Variants in RBM4 observed in about 807,000 individuals in gnomAD.
RBM4 encodes the protein RNA-binding protein 4.
RBM4 carries 7 observed loss-of-function variants against 29.5 expected under a neutral mutation model. That is an observed-to-expected ratio of 0.24 (90% CI 0.14 to 0.45). RBM4 has a LOEUF of 0.45. RBM4 is among the 20% of genes least tolerant of loss of function. The pLI, the probability that RBM4 is intolerant of heterozygous loss-of-function variation, is 1.00. For missense variants in RBM4, 387 were observed against 502.3 expected, an observed-to-expected ratio of 0.77 and a Z score of 2.19; for synonymous variants, 220 against 205.4, an observed-to-expected ratio of 1.07 and a Z score of -0.61.
chr11:66,656,392 G>A (rs1416711174), intron 2 of RBM4, among the ~76,000 whole-genome samples: 1 of 151,834 alleles, frequency 6.6e-6, no homozygotes, highest in African/African-American at 2.4e-5. Context: ...CACCCGCCTC[G>A]GCCTCCCAAA....
At chr11:66,645,959 T>C (rs1938674695) in intron 3 of RBM4, 68 bp from the exon 4 acceptor site, 1 of 1,535,572 alleles carries the variant, frequency 6.5e-7, no homozygotes, top group South Asian at 1.2e-5. Flanking sequence ...TGTAAAGATG[T>C]TGAAGTTTTA....
At chr11:66,647,838 G>T (rs887443324), downstream of RBM4, among the ~76,000 whole-genome samples, 3 of 152,168 alleles carry the variant, frequency 2.0e-5, no homozygotes, top group Non-Finnish European at 4.4e-5. Flanking sequence ...GATGGGGATG[G>T]TCAGTGAAGG....
At chr11:66,654,709 G>C (rs1445365438) in intron 2 of RBM4, among the ~76,000 whole-genome samples, 1 of 140,362 alleles carries the variant, frequency 7.1e-6, no homozygotes, top group Non-Finnish European at 1.5e-5. Flanking sequence ...TTAGAGGCAA[G>C]GTTTTCCCAT....
chr11:66,651,170 G>A (rs1938821902), downstream of RBM4, among the ~76,000 whole-genome samples: 1 of 152,114 alleles, frequency 6.6e-6, no homozygotes, highest in African/African-American at 2.4e-5. Context: ...ATTGGCACTA[G>A]TATTAAGTGC....
Position 66,639,912 on chromosome 11 carries a change from G to A in RBM4, c.201G>A (p.Val67=), listed in dbSNP as rs1442383584. 1.2e-6 allele frequency: 2 copies of A among 1,614,204 alleles called. No homozygotes were observed. The highest frequency in any genetic ancestry group is 2.2e-5 in the South Asian group (2 of 91,084). The change falls in exon 2 of 4, where the codon GTG becomes GTA. Residue 67 remains valine (V), a synonymous_variant. Transcript: ENST00000310092. Reference sequence around the variant, plus strand: ...AGCTTCATGGGGTGAACATCAACGTGGAAGCCAGCAAGAATAAGAGCAAAA... The same window carrying A: ...AGCTTCATGGGGTGAACATCAACGTAGAAGCCAGCAAGAATAAGAGCAAAA... ...HYKLHGVNIN[V]EASKNKSKTS...
At position 66,651,607 on chromosome 11, in the gene RBM4, C is replaced by G. The variant is rs558997396; in HGVS notation, c.412+11484C>G. On this transcript the variant is annotated intron_variant, in intron 2 of 2. Transcript: ENST00000396053. Reference sequence around the variant, plus strand: ...TCTTGATCCGCCTGCCTCGGCCTCCCAAAGTGCTGGGATTACAGGCGTGAG... The same window carrying G: ...TCTTGATCCGCCTGCCTCGGCCTCCGAAAGTGCTGGGATTACAGGCGTGAG... 3.3e-5 allele frequency among the ~76,000 whole-genome samples: 5 copies of G among 152,264 alleles called. No homozygotes were observed. In the East Asian group the frequency reaches 7.7e-4, roughly 23 times the overall value.
intron 1 of RBM4, 31 bp from the exon 2 acceptor site, chr11:66,639,668 CT>C (rs1281510675): frequency 2.5e-6 from 4 of 1,601,878 alleles, no homozygotes; most frequent in African/African-American, 1.3e-5. Flanking sequence ...GGCCTGAGGT[CT>C]TTTGTCAGAT....
At chr11:66,658,031 T>A (rs984693340) in intron 2 of RBM4, among the ~76,000 whole-genome samples, 33 of 145,850 alleles carry the variant, frequency 2.3e-4, no homozygotes, top group South Asian at 4.3e-4. Flanking sequence ...TTTTTTAAAA[T>A]TTTTTTTTTT....
chr11:66,658,362 T>TTTTTTTTTTTTTTTA (rs71045957), intron 2 of RBM4, among the ~76,000 whole-genome samples: 1 of 133,338 alleles, frequency 7.5e-6, no homozygotes. Flanking sequence ...TTTTTTTTTT[T>TTTTTTTTTTTTTTTA]CGTTTTGTTT....
chr11:66,655,299 T>C (rs896357046), intron 2 of RBM4, among the ~76,000 whole-genome samples: 6 of 150,488 alleles, frequency 4.0e-5, no homozygotes, highest in Admixed American at 4.0e-4. Flanking sequence ...CTTTTCTTTT[T>C]TTTTTTTTGA....
intron 2 of RBM4, among the ~76,000 whole-genome samples, chr11:66,657,717 A>G (rs772541910): frequency 1.4e-4 from 21 of 146,350 alleles, no homozygotes; most frequent in Non-Finnish European, 2.8e-4. Context: ...AATTATAGGC[A>G]TGAGCCACCT....
At chr11:66,644,424 C>G (rs1938599638) in intron 3 of RBM4, 1 of 388,688 alleles carries the variant, frequency 2.6e-6, no homozygotes. Context: ...CTTGGGTCAC[C>G]TATGTACTAT....
exon 3 of RBM4, chr11:66,666,213 T>C: frequency 1.2e-6 from 1 of 868,188 alleles, no homozygotes; most frequent in Non-Finnish European, 1.5e-6. Flanking sequence ...CTCTAATCCT[T>C]CTATTGATGA....
chr11:66,644,196 A>C, intron 3 of RBM4, 56 bp downstream of exon 3: 6 of 1,550,326 alleles, frequency 3.9e-6, no homozygotes. Flanking sequence ...TGCAGCCTAA[A>C]GGGCTCCAAT....
intron 3 of RBM4, 40 bp downstream of exon 3, chr11:66,644,180 C>A (rs1193043939): frequency 1.3e-6 from 2 of 1,573,284 alleles, no homozygotes; most frequent in Non-Finnish European, 1.7e-6. Flanking sequence ...GTTTTGCCAT[C>A]CCTCCTGCAG....
At chr11:66,644,515 C>T (rs977774926) in intron 3 of RBM4, 2 of 267,294 alleles carry the variant, frequency 7.5e-6, no homozygotes, top group African/African-American at 2.3e-5. Context: ...AAGTTTCCTA[C>T]GTGTGCGACA....
At chr11:66,659,555 A>G (rs891193784) in intron 2 of RBM4, among the ~76,000 whole-genome samples, 1 of 152,092 alleles carries the variant, frequency 6.6e-6, no homozygotes. Flanking sequence ...CTGGGATTAC[A>G]GGCATGAGCT....
chr11:66,639,569 TTGTGTGGAGGTG>T, intron 1 of RBM4, 119 bp from the exon 2 acceptor site: 1 of 1,130,186 alleles, frequency 8.8e-7, no homozygotes, highest in Non-Finnish European at 1.2e-6. Context: ...CATTTGATTA[TTGTGTGGAGGTG>T]TGTGTGCAGG....
chr11:66,645,875 TTGTTAGAGATTAC>T (rs1273375141), intron 3 of RBM4, among the ~76,000 whole-genome samples, 139 bp from the exon 4 acceptor site: 1 of 152,222 alleles, frequency 6.6e-6, no homozygotes. Flanking sequence ...GCTCTTTTCA[TTGTTAGAGATTAC>T]TGTGATACTG....
Sources: allele counts gnomAD v4.1 joint callset (sites outside exome capture counted in the v4.1 genomes callset), GRCh38; gene constraint gnomAD v4.1.1; transcripts MANE v1.5; gene names NCBI Gene and HGNC (gene_info 2026-07-23, HGNC 2026-07-21).